The following SGCZ variants were observed in gnomAD, a reference collection of about 807,000 sequenced individuals.
SGCZ encodes the protein sarcoglycan zeta, also known as zeta-sarcoglycan.
Under a neutral mutation model 41.3 loss-of-function variants are expected in SGCZ, and 40 were observed. The observed-to-expected ratio is 0.97, with a 90% CI of 0.75 to 1.26. SGCZ has a LOEUF of 1.26. Among genes scored for constraint, SGCZ ranks in the 50% most tolerant of loss-of-function variants. The pLI, the probability that SGCZ is intolerant of heterozygous loss-of-function variation, is 0.00. For missense variants in SGCZ, 552 were observed against 369.8 expected (o/e 1.49, Z -4.04); for synonymous variants, 206 against 137.5 (o/e 1.50, Z -3.49).
chr8:15,136,877 G>C (rs1220160717), intron 1 of SGCZ, among the ~76,000 whole-genome samples: 1 of 152,094 alleles, frequency 6.6e-6, no homozygotes, highest in Non-Finnish European at 1.5e-5. Flanking sequence ...GCTCATATAA[G>C]GGTACTGGAA....
chr8:14,497,592 G>T (rs1346735325), intron 2 of SGCZ, among the ~76,000 whole-genome samples: 1 of 151,518 alleles, frequency 6.6e-6, no homozygotes, highest in African/African-American at 2.4e-5. Flanking sequence ...GTGTGTGTGT[G>T]TGAGAGAGAG....
intron 1 of SGCZ, among the ~76,000 whole-genome samples, chr8:14,952,880 T>C (rs1441931348): frequency 6.6e-6 from 1 of 152,154 alleles, no homozygotes; most frequent in Non-Finnish European, 1.5e-5. Context: ...TACTGTGTGC[T>C]GGAAACCATT....
intron 1 of SGCZ, among the ~76,000 whole-genome samples, chr8:14,887,223 A>G (rs1166604079): frequency 6.6e-6 from 1 of 152,192 alleles, no homozygotes; most frequent in Non-Finnish European, 1.5e-5. Flanking sequence ...CATAGAGATT[A>G]TATTTAAACT....
At chr8:15,195,860 A>C (rs1800707471) in intron 1 of SGCZ, among the ~76,000 whole-genome samples, 1 of 150,056 alleles carries the variant, frequency 6.7e-6, no homozygotes, top group Admixed American at 6.6e-5. Context: ...TTATAAATTT[A>C]TAATGGGTTT....
At chr8:14,438,329 G>C (rs1391706641) in intron 2 of SGCZ, among the ~76,000 whole-genome samples, 1 of 151,886 alleles carries the variant, frequency 6.6e-6, no homozygotes. Flanking sequence ...CAAATTATAA[G>C]TATTACACAC....
intron 1 of SGCZ, among the ~76,000 whole-genome samples, chr8:15,041,913 C>G (rs1804112875): frequency 1.3e-5 from 2 of 152,090 alleles, no homozygotes; most frequent in African/African-American, 4.8e-5. Flanking sequence ...CTGAGTCCTT[C>G]TACTACCTTT....
chr8:14,848,879 G>A (rs950462274), intron 1 of SGCZ, among the ~76,000 whole-genome samples: 1 of 152,088 alleles, frequency 6.6e-6, no homozygotes, highest in Non-Finnish European at 1.5e-5. Context: ...CTCTTTAAAT[G>A]ACATGGTTAA....
At chr8:14,643,904 C>A (rs11781218) in intron 1 of SGCZ, among the ~76,000 whole-genome samples, 112,413 of 151,576 alleles carry the variant, frequency 0.74, 41,890 homozygotes, top group East Asian at 0.91. Flanking sequence ...AAGAATAGAA[C>A]TGCAATGTAT....
chr8:14,523,490 C>A (rs1802850062), intron 2 of SGCZ, among the ~76,000 whole-genome samples: 2 of 151,846 alleles, frequency 1.3e-5, no homozygotes, highest in African/African-American at 4.8e-5. Flanking sequence ...AATACTATAC[C>A]ACTTTCTCCT....
At position 14,621,517 on chromosome 8, in the gene SGCZ, A is replaced by G. The variant is rs984092990; in HGVS notation, c.40-66591T>C. Reference sequence around the variant, plus strand: ...AAATAAAATAAAATACAAACTCAAAACAAAAAAAGAAAATAGGTTTAATTG... The same window carrying G: ...AAATAAAATAAAATACAAACTCAAAGCAAAAAAAGAAAATAGGTTTAATTG... On this transcript the variant is annotated intron_variant, in intron 1 of 7. Coordinates refer to ENST00000382080, the MANE Select transcript of SGCZ (RefSeq NM_139167.4). 1.1e-3 allele frequency among the ~76,000 whole-genome samples: 167 copies of G among 152,232 alleles called. 2 individuals carry two copies. The highest frequency in any genetic ancestry group is 2.0e-3 in the Non-Finnish European group (136 of 68,022).
chr8:14,774,321 C>G (rs1429909643), intron 1 of SGCZ, among the ~76,000 whole-genome samples: 2 of 152,134 alleles, frequency 1.3e-5, no homozygotes, highest in African/African-American at 4.8e-5. Context: ...TTGCATCAGC[C>G]AATTTCTTAA....
intron 1 of SGCZ, among the ~76,000 whole-genome samples, chr8:15,153,730 G>A (rs1799246578): frequency 6.6e-6 from 1 of 152,106 alleles, no homozygotes; most frequent in African/African-American, 2.4e-5. Context: ...CCTTCCGCGA[G>A]GAAAAGTTTC....
At chr8:14,789,724 C>G in intron 1 of SGCZ, among the ~76,000 whole-genome samples, 1 of 152,096 alleles carries the variant, frequency 6.6e-6, no homozygotes, top group Non-Finnish European at 1.5e-5. Context: ...TTCTCTAGAT[C>G]TCATCATGAG....
At chr8:14,788,090 G>A (rs1323054433) in intron 1 of SGCZ, among the ~76,000 whole-genome samples, 1 of 152,130 alleles carries the variant, frequency 6.6e-6, no homozygotes, top group African/African-American at 2.4e-5. Context: ...GAAAGTTACT[G>A]TGAGTGGTAG....
At chr8:15,155,562 C>A (rs1001383581) in intron 1 of SGCZ, among the ~76,000 whole-genome samples, 6 of 152,124 alleles carry the variant, frequency 3.9e-5, no homozygotes, top group Admixed American at 3.3e-4. Context: ...AACCAGCCAA[C>A]TGGAAACGTC....
intron 1 of SGCZ, among the ~76,000 whole-genome samples, chr8:15,076,850 G>GA (rs1325217013): frequency 7.7e-4 from 116 of 150,438 alleles, no homozygotes; most frequent in African/African-American, 2.6e-3. Context: ...CAAAGAGAGG[G>GA]AAAAAAAAGA....
chr8:14,091,473 C>G (rs1801688049), intron 7 of SGCZ, among the ~76,000 whole-genome samples: 1 of 151,952 alleles, frequency 6.6e-6, no homozygotes, highest in South Asian at 2.1e-4. Context: ...TCTCCACATC[C>G]TCCCCAGCAT....
chr8:14,397,445 T>C (rs1798950823), intron 2 of SGCZ, among the ~76,000 whole-genome samples: 1 of 152,154 alleles, frequency 6.6e-6, no homozygotes. Flanking sequence ...TTTTCTATTT[T>C]GTGCATTACC....
At position 14,467,786 on chromosome 8, in the gene SGCZ, A is replaced by G. The variant is rs911972260; in HGVS notation, c.234+86946T>C. Among the ~76,000 whole-genome samples, 10 of 152,190 alleles carry G rather than the reference A, an allele frequency of 6.6e-5. No homozygotes were observed. The East Asian group carries it at 9.7e-4, about 15-fold the overall frequency. On this transcript the variant is annotated intron_variant, in intron 2 of 7. Transcript: ENST00000382080. ...ATATAACACTCCTAGAGCAAGTTAC[A>G]TCATACTGTAATAGTATTTAAATAG... is the stretch of plus-strand genomic sequence containing the variant.
Sources: gnomAD v4.1 joint callset for allele counts (sites outside exome capture counted in the v4.1 genomes callset) on GRCh38, gnomAD v4.1.1 for gene constraint, MANE v1.5 for transcripts, NCBI Gene and HGNC (gene_info 2026-07-23, HGNC 2026-07-21) for gene names.